The following RASSF5 variants were observed in gnomAD, a reference collection of about 807,000 sequenced individuals.
RASSF5 encodes ras association domain-containing protein 5.
Under a neutral mutation model 40.5 loss-of-function variants are expected in RASSF5, and 25 were observed. The observed-to-expected ratio is 0.62, with a 90% CI of 0.45 to 0.86. The LOEUF is 0.86. Among genes scored for constraint, RASSF5 ranks in the 40% least tolerant of loss-of-function variants. RASSF5 has a pLI of 0.00. For synonymous variants in RASSF5, 246 were observed against 252.4 expected (o/e 0.97, Z 0.24); for missense variants, 521 against 572.8 (o/e 0.91, Z 0.92).
chr1:206,540,660 C>G (rs1039403924), intron 2 of RASSF5, among the ~76,000 whole-genome samples: 4 of 152,356 alleles, frequency 2.6e-5, no homozygotes, highest in African/African-American at 9.6e-5. Context: ...GGCCCACTTG[C>G]CTCTTCTAAA....
chr1:206,523,679 AT>A (rs1283017448), intron 1 of RASSF5, among the ~76,000 whole-genome samples: 3 of 95,856 alleles, frequency 3.1e-5, no homozygotes, highest in Admixed American at 1.7e-4. Flanking sequence ...TATATTATAT[AT>A]AAATATATTA....
rs1667371172 is a variant in RASSF5 at position 206,535,718 on chromosome 1, GTGTGTGTGT to G, written c.458-2453_458-2445del. Among the ~76,000 whole-genome samples the G allele has an allele frequency of 1.8e-5, 2 of 114,008 alleles. No homozygotes were observed. Among genetic ancestry groups the G allele is most frequent in the Admixed American group, 8.4e-5 (1 of 11,898 alleles). 74.8% of individuals were successfully genotyped at this position (114,008 alleles called of 152,430 possible). On this transcript the variant is annotated intron_variant, in intron 1 of 5. Transcript: ENST00000579436. The surrounding 1 kb of genome is among the most constrained non-coding windows in gnomAD (Gnocchi z 5.0). ...GTGTGTGTGTCTGTGTGTGTGTGGTGTGTGTGTGTGTGTGTGTGTGTGTGTGAGAGAGAG... is the reference window on the plus strand; with the variant it reads ...GTGTGTGTGTCTGTGTGTGTGTGGTGGTGTGTGTGTGTGTGTGAGAGAGAG...
chr1:206,532,848 C>T (rs1446580967), intron 1 of RASSF5, among the ~76,000 whole-genome samples: 2 of 152,120 alleles, frequency 1.3e-5, no homozygotes, highest in Non-Finnish European at 2.9e-5. Flanking sequence ...GCATGCAACT[C>T]GGGTGAAAGG....
intron 2 of RASSF5, among the ~76,000 whole-genome samples, chr1:206,553,435 G>C (rs1553401298): frequency 6.6e-6 from 1 of 152,168 alleles, no homozygotes; most frequent in Non-Finnish European, 1.5e-5. Flanking sequence ...GGAAGGCTTT[G>C]CACTAATCTC....
In RASSF5 at chr1:206,507,633, C is replaced by G; in HGVS notation, c.31C>G (p.Arg11Gly). The G allele has an allele frequency of 5.9e-6, 9 of 1,528,438 alleles. No homozygotes were observed. The highest frequency in any genetic ancestry group is 7.9e-6 in the Non-Finnish European group (9 of 1,144,444). 94.7% of individuals were successfully genotyped at this position (1,528,438 alleles called of 1,614,324 possible). A position where few individuals can be genotyped will look rare whatever the true frequency, so the allele number is the denominator to read the frequency against. MAMASPAIGQRPYPLLLDPEP... is the reference protein window; with the variant it reads MAMASPAIGQGPYPLLLDPEP... ...CATGGCGTCCCCGGCCATCGGGCAGCGCCCGTACCCGCTACTATTGGACCC... is the reference window on the plus strand; with the variant it reads ...CATGGCGTCCCCGGCCATCGGGCAGGGCCCGTACCCGCTACTATTGGACCC... Residue 11 changes from arginine to glycine, a missense_variant, in exon 1 of 6, where the codon CGC becomes GGC. By Grantham distance (125) the Arg-to-Gly change is moderately radical. Transcript: ENST00000579436.
Position 206,560,159 on chromosome 1 carries a change from G to A in RASSF5, c.579+21866G>A, listed in dbSNP as rs1488924064. The stretch of plus-strand genomic sequence containing the variant: ...GGAGTTGATGTGTTTCCCGGTCGTC[G>A]AGAGATTGAGGCCCTCATCTGGGAA... On this transcript the variant is annotated intron_variant, in intron 2 of 5. Coordinates refer to ENST00000579436, the MANE Select transcript of RASSF5 (RefSeq NM_182663.4). The surrounding 1 kb of genome is among the most constrained non-coding windows in gnomAD (Gnocchi z 5.1). Among the ~76,000 whole-genome samples, 1 of 152,198 alleles carries A rather than the reference G, an allele frequency of 6.6e-6. No individual in the cohort carries two copies. The highest frequency in any genetic ancestry group is 2.4e-5 in the African/African-American group (1 of 41,442).
intron 1 of RASSF5, among the ~76,000 whole-genome samples, chr1:206,520,818 A>G (rs532393396): frequency 6.6e-6 from 1 of 152,184 alleles, no homozygotes; most frequent in Non-Finnish European, 1.5e-5. Context: ...TGTTTGGTGC[A>G]TAGAAAGCCC....
intron 2 of RASSF5, among the ~76,000 whole-genome samples, chr1:206,556,999 C>T (rs188848614): frequency 1.3e-3 from 205 of 152,284 alleles, no homozygotes; most frequent in Non-Finnish European, 2.2e-3. Flanking sequence ...TGTTCCCCCT[C>T]GGGTCCATCC....
rs1666511771 is a variant in RASSF5, at chr1:206,508,060, G to GT, written c.457+2dup. On this transcript the variant is annotated splice_donor_variant, in intron 1 of 5. Transcript: ENST00000579436. LOFTEE classifies it high-confidence loss of function. ...CTGCGGCAGGCGCTGCGCTGCACTA[G>GT]TAAGTGTGAAGGCAGGGGAGGGGCG... 7.2e-7 allele frequency: 1 copy of GT among 1,390,520 alleles called. No homozygotes were observed. The highest frequency in any genetic ancestry group is 1.7e-5 in the South Asian group (1 of 59,740). 86.1% of individuals were successfully genotyped at this position (1,390,520 alleles called of 1,614,324 possible). A position where few individuals can be genotyped will look rare whatever the true frequency, so the allele number is the denominator to read the frequency against.
At chr1:206,519,062 G>A (rs1318571722) in intron 1 of RASSF5, among the ~76,000 whole-genome samples, 1 of 152,166 alleles carries the variant, frequency 6.6e-6, no homozygotes, top group Non-Finnish European at 1.5e-5. Context: ...ACAGCTGACA[G>A]GAGTCCCGGC....
At chr1:206,577,542 C>T (rs1308031419) in intron 2 of RASSF5, among the ~76,000 whole-genome samples, 4 of 152,214 alleles carry the variant, frequency 2.6e-5, no homozygotes, top group Non-Finnish European at 5.9e-5. Context: ...ATCTGACTTT[C>T]TCAAGATCAT....
chr1:206,519,099 C>T (rs1324667022), intron 1 of RASSF5, among the ~76,000 whole-genome samples: 2 of 152,078 alleles, frequency 1.3e-5, no homozygotes, highest in Non-Finnish European at 2.9e-5. Flanking sequence ...ACCACTGATT[C>T]CTCTCCTGAG....
At position 206,588,891 on chromosome 1, in the gene RASSF5, C is replaced by G. The variant is rs1025155225; in HGVS notation, c.*1913C>G. 1 of 152,632 alleles carries G rather than the reference C, an allele frequency of 6.6e-6. No individual in the cohort carries two copies. Among genetic ancestry groups the G allele is most frequent in the African/African-American group, 2.4e-5 (1 of 41,382 alleles). 9.5% of individuals were successfully genotyped at this position (152,632 alleles called of 1,614,324 possible). ...TAGAAGGCATGGCTCCTGCTGCAAC[C>G]GCTGTGAATGCTGCTGAGAACCTCC... is the stretch of plus-strand genomic sequence containing the variant. On this transcript the variant is annotated 3_prime_UTR_variant, in exon 6 of 6. Coordinates refer to ENST00000579436, the MANE Select transcript of RASSF5 (RefSeq NM_182663.4).
rs75108199 is a variant in RASSF5 at position 206,558,294 on chromosome 1, T to C, written c.579+20001T>C. ...GGTAACCTGAAGGGGCTTGCGTGTG[T>C]TTCCTGATGGCATGACTTGTATTTC... On this transcript the variant is annotated intron_variant, in intron 2 of 5. Coordinates refer to ENST00000579436, the MANE Select transcript of RASSF5 (RefSeq NM_182663.4). Among the ~76,000 whole-genome samples, 377 of 152,214 alleles carry C rather than the reference T, an allele frequency of 2.5e-3. 9 individuals carry two copies. The East Asian group carries it at 0.042, about 17-fold the overall frequency.
intron 2 of RASSF5, among the ~76,000 whole-genome samples, chr1:206,556,165 A>G (rs561720994): frequency 6.6e-6 from 1 of 152,218 alleles, no homozygotes; most frequent in Non-Finnish European, 1.5e-5. Context: ...TAAAGATGGC[A>G]AAGTGCCCAC....
intron 1 of RASSF5, among the ~76,000 whole-genome samples, chr1:206,526,269 A>AGTGTGTGTGTGTGTGTGTGTGT (rs61263066): frequency 0.033 from 4,731 of 142,984 alleles, 146 homozygotes; most frequent in African/African-American, 0.053. Context: ...GCTTTCTGGC[A>AGTGTGTGTGTGTGTGTGTGTGT]GTGTGTGTGT....
chr1:206,578,794 G>A (rs17434501), intron 2 of RASSF5, among the ~76,000 whole-genome samples: 5,109 of 152,172 alleles, frequency 0.034, 112 homozygotes, highest in Admixed American at 0.05. Context: ...GAAGCCACGT[G>A]ACTCACTCAG....
At chr1:206,577,352 G>A (rs1007589174) in intron 2 of RASSF5, among the ~76,000 whole-genome samples, 12 of 152,146 alleles carry the variant, frequency 7.9e-5, no homozygotes, top group African/African-American at 2.9e-4. Context: ...GGCTCAGAGG[G>A]GTAGAACTTT....
At chr1:206,510,480 G>A (rs1553394501) in intron 1 of RASSF5, among the ~76,000 whole-genome samples, 2 of 152,152 alleles carry the variant, frequency 1.3e-5, no homozygotes, top group African/African-American at 2.4e-5. Context: ...CTAGCAAAAT[G>A]CAATACGAAT....
Sources: gnomAD v4.1 joint callset for allele counts (sites outside exome capture counted in the v4.1 genomes callset) on GRCh38, gnomAD v4.1.1 for gene constraint, Gnocchi (gnomAD v3.1) non-coding constraint, MANE v1.5 for transcripts, NCBI Gene and HGNC (gene_info 2026-07-23, HGNC 2026-07-21) for gene names.